Variants in ERC2 observed in about 807,000 individuals in gnomAD.
ERC2 encodes ERC protein 2.
In ERC2, 42 loss-of-function variants were observed where a neutral mutation model predicts 114.8. The ratio of observed to expected loss-of-function variants is 0.37; its 90% CI spans 0.29 to 0.47. ERC2 has a LOEUF of 0.47. ERC2 is among the 20% of genes least tolerant of loss of function. The probability of loss-of-function intolerance (pLI) is 0.99; values close to 1 mark genes in which losing one functional copy is unlikely to be tolerated. For missense variants in ERC2, 939 were observed against 1,150.7 expected (o/e 0.82, Z 2.66); for synonymous variants, 454 against 425.5 (o/e 1.07, Z -0.82).
chr3:56,186,069 G>A (rs2083583843), intron 3 of ERC2, among the ~76,000 whole-genome samples: 1 of 137,910 alleles, frequency 7.3e-6, no homozygotes, highest in Non-Finnish European at 1.5e-5. Flanking sequence ...AGTGGCTTTG[G>A]CCAACCACCT....
chr3:55,938,766 C>T (rs888670180), intron 13 of ERC2, among the ~76,000 whole-genome samples: 9 of 152,212 alleles, frequency 5.9e-5, no homozygotes, highest in Non-Finnish European at 7.4e-5. Flanking sequence ...ATTTTCAACC[C>T]GTATAATTGA....
At chr3:56,214,268 C>T (rs974925628) in intron 3 of ERC2, among the ~76,000 whole-genome samples, 1 of 151,976 alleles carries the variant, frequency 6.6e-6, no homozygotes, top group African/African-American at 2.4e-5. Flanking sequence ...GAATGGATAA[C>T]TAGAATAACC....
chr3:56,048,453 T>C (rs994334640), intron 7 of ERC2, among the ~76,000 whole-genome samples: 2 of 152,226 alleles, frequency 1.3e-5, no homozygotes, highest in African/African-American at 2.4e-5. Context: ...ACTTTAATTT[T>C]TTTTTAATAT....
At chr3:55,950,611 T>G (rs753640661) in intron 12 of ERC2, 51 bp from the exon 13 acceptor site, 1 of 1,604,272 alleles carries the variant, frequency 6.2e-7, no homozygotes, top group African/African-American at 1.3e-5. Flanking sequence ...GAAGATCATA[T>G]GTTATCACAA....
intron 3 of ERC2, among the ~76,000 whole-genome samples, chr3:56,293,151 G>A (rs377720076): frequency 1.3e-5 from 2 of 152,248 alleles, no homozygotes; most frequent in Non-Finnish European, 2.9e-5. Context: ...AGATGATTCA[G>A]TGTGAATCAA....
chr3:56,219,096 C>T (rs1480608623), intron 3 of ERC2, among the ~76,000 whole-genome samples: 1 of 151,940 alleles, frequency 6.6e-6, no homozygotes, highest in Non-Finnish European at 1.5e-5. Context: ...TGTAACAAAC[C>T]TGCAAGTTGT....
chr3:55,703,196 G>C (rs1057048318), intron 15 of ERC2, among the ~76,000 whole-genome samples: 10 of 152,068 alleles, frequency 6.6e-5, no homozygotes, highest in Non-Finnish European at 5.9e-5. Context: ...TTCCTCCCTG[G>C]ATTCAAGTTC....
chr3:56,147,655 G>C (rs2081210765), intron 5 of ERC2, among the ~76,000 whole-genome samples: 1 of 152,082 alleles, frequency 6.6e-6, no homozygotes, highest in Non-Finnish European at 1.5e-5. Flanking sequence ...TAACTCTGCT[G>C]CATTTCATAA....
intron 3 of ERC2, among the ~76,000 whole-genome samples, chr3:56,204,260 G>C (rs540223614): frequency 1.3e-5 from 2 of 152,198 alleles, no homozygotes; most frequent in Admixed American, 6.5e-5. Context: ...TGAGGACAGG[G>C]GTTGTTTGTC....
chr3:55,744,718 T>C (rs953001495), intron 14 of ERC2, among the ~76,000 whole-genome samples: 1 of 152,128 alleles, frequency 6.6e-6, no homozygotes, highest in African/African-American at 2.4e-5. Flanking sequence ...CCCTGTGGAG[T>C]GTACTTTCAT....
chr3:56,419,888 G>A (rs777388962), intron 2 of ERC2, among the ~76,000 whole-genome samples: 2 of 152,090 alleles, frequency 1.3e-5, no homozygotes, highest in Non-Finnish European at 2.9e-5. Flanking sequence ...TAAAAACCCC[G>A]AAGAGAAATT....
chr3:55,934,253 G>T (rs1364109090), intron 13 of ERC2, among the ~76,000 whole-genome samples: 4 of 152,108 alleles, frequency 2.6e-5, no homozygotes, highest in Admixed American at 2.6e-4. Context: ...ATCAGAACAG[G>T]CATGCAAATC....
chr3:55,659,183 C>G (rs1028088895), intron 17 of ERC2: 2 of 152,192 alleles, frequency 1.3e-5, no homozygotes, highest in Non-Finnish European at 2.9e-5. Flanking sequence ...CCTGAGATGC[C>G]TATCCTCAGA....
chr3:55,833,842 T>A (rs1375548449), intron 14 of ERC2, among the ~76,000 whole-genome samples: 2 of 152,144 alleles, frequency 1.3e-5, no homozygotes, highest in African/African-American at 2.4e-5. Flanking sequence ...AAGACCCATC[T>A]GTCTGCTGTA....
chr3:55,540,711 A>G (rs1437485832), intron 17 of ERC2, among the ~76,000 whole-genome samples: 2 of 152,182 alleles, frequency 1.3e-5, no homozygotes, highest in Non-Finnish European at 2.9e-5. Flanking sequence ...CATTCACACA[A>G]TGACTGTACC....
chr3:56,300,592 G>C (rs1405704897), intron 2 of ERC2, among the ~76,000 whole-genome samples: 1 of 152,194 alleles, frequency 6.6e-6, no homozygotes, highest in African/African-American at 2.4e-5. Context: ...TTAAGAAACA[G>C]TGAAAGCAAA....
At chr3:56,313,301 T>C (rs1166594441) in intron 2 of ERC2, among the ~76,000 whole-genome samples, 3 of 151,852 alleles carry the variant, frequency 2.0e-5, no homozygotes, top group African/African-American at 4.8e-5. Context: ...TCTGTGAATA[T>C]ACTAAAAATC....
At chr3:55,718,828 A>G (rs1012035144) in intron 15 of ERC2, among the ~76,000 whole-genome samples, 1 of 152,224 alleles carries the variant, frequency 6.6e-6, no homozygotes, top group African/African-American at 2.4e-5. Context: ...GTTGAACAGC[A>G]TGTTTTTAAA....
intron 2 of ERC2, among the ~76,000 whole-genome samples, chr3:56,333,443 G>A (rs1473973434): frequency 4.6e-5 from 7 of 152,132 alleles, no homozygotes; most frequent in African/African-American, 1.2e-4. Context: ...AACAATAATC[G>A]TATCTAACAT....
Sources: allele counts gnomAD v4.1 joint callset (sites outside exome capture counted in the v4.1 genomes callset), GRCh38; gene constraint gnomAD v4.1.1; transcripts MANE v1.5; gene names NCBI Gene and HGNC (gene_info 2026-07-23, HGNC 2026-07-21).